Variants in RBFOX1 observed in about 807,000 individuals in gnomAD.
RBFOX1 encodes RNA binding protein fox-1 homolog 1.
Under a neutral mutation model 57.7 loss-of-function variants are expected in RBFOX1, and 8 were observed. The observed-to-expected ratio is 0.14, with a 90% CI of 0.08 to 0.25. RBFOX1 has a LOEUF of 0.25. Among genes scored for constraint, RBFOX1 ranks in the 10% least tolerant of loss-of-function variants. The probability of loss-of-function intolerance (pLI) is 1.00; values close to 1 mark genes in which losing one functional copy is unlikely to be tolerated. For missense variants in RBFOX1, 611 were observed against 548.5 expected (o/e 1.11, Z -1.14); for synonymous variants, 326 against 222.4 (o/e 1.47, Z -4.15).
intron 2 of RBFOX1, among the ~76,000 whole-genome samples, chr16:5,509,683 G>A (rs1356465535): frequency 4.6e-5 from 7 of 152,168 alleles, no homozygotes; most frequent in East Asian, 3.9e-4. Context: ...CGGCAAGAGC[G>A]GGTGCCAGGA....
chr16:7,655,964 C>T (rs1016712499), intron 12 of RBFOX1, among the ~76,000 whole-genome samples: 1 of 152,166 alleles, frequency 6.6e-6, no homozygotes, highest in African/African-American at 2.4e-5. Flanking sequence ...CATGTTTCAC[C>T]AGGGAGAGAC....
chr16:6,578,793 T>C (rs976817698), intron 2 of RBFOX1, among the ~76,000 whole-genome samples: 1 of 152,106 alleles, frequency 6.6e-6, no homozygotes, highest in Non-Finnish European at 1.5e-5. Flanking sequence ...TTATTAAATA[T>C]AATATAGATT....
intron 2 of RBFOX1, among the ~76,000 whole-genome samples, chr16:6,400,944 G>C (rs2093044740): frequency 6.6e-6 from 1 of 152,080 alleles, no homozygotes; most frequent in Non-Finnish European, 1.5e-5. Context: ...ATTGAAATTG[G>C]AGCTATCAGT....
rs945902296 is a variant in RBFOX1, at chr16:7,174,714, A to C, written c.27+122616A>C. Among the ~76,000 whole-genome samples, 12 of 152,230 alleles carry C rather than the reference A, an allele frequency of 7.9e-5. 1 individual carries two copies. The highest frequency in any genetic ancestry group is 2.0e-4 in the Admixed American group (3 of 15,292). ...AGAATCACTTGAACGCGAGAGGCGG[A>C]GATTGCAGTGAGCCAAGATTGCGCC... On this transcript the variant is annotated intron_variant, in intron 4 of 15. Coordinates refer to ENST00000550418, the MANE Select transcript of RBFOX1 (RefSeq NM_018723.4).
chr16:5,267,417 C>T (rs549045965), intron 1 of RBFOX1, among the ~76,000 whole-genome samples: 82 of 152,136 alleles, frequency 5.4e-4, no homozygotes, highest in African/African-American at 1.9e-3. Context: ...TGTGCCTCAG[C>T]CCCCTGAGCA....
intron 3 of RBFOX1, among the ~76,000 whole-genome samples, chr16:7,001,094 G>A (rs1035786990): frequency 6.6e-6 from 1 of 152,158 alleles, no homozygotes; most frequent in Non-Finnish European, 1.5e-5. Context: ...TAGAGTTCAT[G>A]TGAGAAAAAT....
rs571362316 is a variant in RBFOX1 at position 6,241,206 on chromosome 16, C to G, written c.-126-75789C>G. On this transcript the variant is annotated intron_variant, in intron 1 of 15. Transcript: ENST00000550418. ...TAAGCGAAATATGCAAATTCCCGTT[C>G]AGACGGGGCACTATTGTAATGTGCA... 6.6e-5 allele frequency among the ~76,000 whole-genome samples: 10 copies of G among 152,294 alleles called. No homozygotes were observed. In the South Asian group the frequency reaches 2.1e-3, roughly 32 times the overall value.
chr16:5,855,875 C>G (rs974315264), intron 3 of RBFOX1, among the ~76,000 whole-genome samples: 1 of 149,986 alleles, frequency 6.7e-6, no homozygotes, highest in African/African-American at 2.4e-5. Context: ...TTGCATTTAT[C>G]TGTCTTAAGT....
chr16:6,148,864 G>A (rs1320436910), intron 1 of RBFOX1, among the ~76,000 whole-genome samples: 1 of 152,098 alleles, frequency 6.6e-6, no homozygotes, highest in Non-Finnish European at 1.5e-5. Context: ...ATTCAATAAT[G>A]CAATCAGGTT....
intron 3 of RBFOX1, among the ~76,000 whole-genome samples, chr16:6,866,830 C>A (rs985180992): frequency 6.6e-6 from 1 of 151,950 alleles, no homozygotes; most frequent in African/African-American, 2.4e-5. Context: ...GCAGGAGCCA[C>A]CGCGCCCAGC....
chr16:6,788,773 C>A (rs959799580), intron 3 of RBFOX1, among the ~76,000 whole-genome samples: 1 of 147,700 alleles, frequency 6.8e-6, no homozygotes, highest in Non-Finnish European at 1.5e-5. Flanking sequence ...CCGTGCCCGG[C>A]CCCCCACTGA....
intron 3 of RBFOX1, among the ~76,000 whole-genome samples, chr16:6,718,409 A>G (rs1451838512): frequency 2.6e-5 from 4 of 152,216 alleles, no homozygotes; most frequent in Non-Finnish European, 5.9e-5. Flanking sequence ...AAGTTTTGAA[A>G]AGTGGTGTAA....
At chr16:6,584,950 G>A (rs551816585) in intron 2 of RBFOX1, among the ~76,000 whole-genome samples, 2 of 152,282 alleles carry the variant, frequency 1.3e-5, no homozygotes, top group Non-Finnish European at 2.9e-5. Context: ...ACTTCCCTTT[G>A]CCTTACTGAA....
At chr16:5,804,864 A>G (rs1405645159) in intron 3 of RBFOX1, among the ~76,000 whole-genome samples, 1 of 152,190 alleles carries the variant, frequency 6.6e-6, no homozygotes, top group Non-Finnish European at 1.5e-5. Context: ...CTTGTTGTGC[A>G]GGGCAGCTCT....
At chr16:5,334,281 C>T (rs954099921) in intron 1 of RBFOX1, among the ~76,000 whole-genome samples, 1 of 152,088 alleles carries the variant, frequency 6.6e-6, no homozygotes, top group African/African-American at 2.4e-5. Context: ...TGTTTCTGGT[C>T]AGAGATGTCA....
intron 4 of RBFOX1, among the ~76,000 whole-genome samples, chr16:7,415,315 C>T (rs1597866323): frequency 6.6e-6 from 1 of 152,098 alleles, no homozygotes. Context: ...AAGATAAATC[C>T]ATATCTTCTG....
At chr16:6,551,314 A>G (rs949846544) in intron 2 of RBFOX1, among the ~76,000 whole-genome samples, 15 of 152,224 alleles carry the variant, frequency 9.9e-5, no homozygotes, top group Non-Finnish European at 2.1e-4. Flanking sequence ...GGGATGGTCT[A>G]GTCTGGGGCT....
At chr16:7,287,437 C>T (rs1050586070) in intron 4 of RBFOX1, among the ~76,000 whole-genome samples, 1 of 152,108 alleles carries the variant, frequency 6.6e-6, no homozygotes, top group African/African-American at 2.4e-5. Context: ...ATCAAACTTG[C>T]TCTAAAGGAC....
chr16:5,608,515 G>C lies in RBFOX1; in HGVS notation c.318+9554G>C, dbSNP rs144116410. Among the ~76,000 whole-genome samples, 3 of 152,352 alleles carry C rather than the reference G, an allele frequency of 2.0e-5. 1 individual carries two copies. The highest frequency in any genetic ancestry group is 7.2e-5 in the African/African-American group (3 of 41,582). ...CCTGGGCCAGTGGCTTGACTTCTCT[G>C]TGCCTGTAACTTTTCTCATCTGTAA... On this transcript the variant is annotated intron_variant, in intron 3 of 19. Coordinates refer to the RBFOX1 transcript ENST00000641259.
Sources: allele counts gnomAD v4.1 joint callset (sites outside exome capture counted in the v4.1 genomes callset), GRCh38; gene constraint gnomAD v4.1.1; transcripts MANE v1.5; gene names NCBI Gene and HGNC (gene_info 2026-07-23, HGNC 2026-07-21).